ETFB: variants seen among roughly 807,000 people sequenced by gnomAD.
The protein encoded by ETFB is beta-ETF.
A neutral mutation model predicts 25.6 loss-of-function variants in ETFB; 20 were observed. The ratio of observed to expected loss-of-function variants is 0.78; its 90% CI spans 0.55 to 1.14. ETFB has a LOEUF of 1.14. Ranked by LOEUF, ETFB falls within the 50% of genes most tolerant of loss-of-function variation. ETFB has a pLI of 0.00. For missense variants in ETFB, 286 were observed against 342.6 expected (o/e 0.83, Z 1.30); for synonymous variants, 142 against 146.7 (o/e 0.97, Z 0.23).
At chr19:51,354,673 T>C in intron 1 of ETFB, 3 of 1,606,276 alleles carry the variant, frequency 1.9e-6, no homozygotes, top group East Asian at 2.2e-5. Flanking sequence ...AAATACATAA[T>C]ACACTGATAC....
chr19:51,345,237 T>G lies in ETFB; in HGVS notation c.742A>C (p.Lys248Gln). 6.2e-7 allele frequency: 1 copy of G among 1,614,218 alleles called. No homozygotes were observed. Among genetic ancestry groups the G allele is most frequent in the South Asian group, 1.1e-5 (1 of 91,086 alleles). The change falls in exon 6 of 6, where the codon AAG (lysine) becomes CAG (glutamine). Residue 248 changes from lysine (K) to glutamine (Q), a missense_variant. Physicochemically the swap from Lys to Gln is moderately conservative, Grantham distance 53. Transcript: ENST00000309244. ...CAAATCCGCCCAATCTCCTTCAGCT[T>G]GGCCACCAGGTCCTCAGTGGTCTCC... ...KVETTEDLVA[K>Q]LKEIGRI
At chr19:51,350,423 A>C in intron 3 of ETFB, 32 bp from the exon 4 acceptor site, 10 of 1,148,498 alleles carry the variant, frequency 8.7e-6, no homozygotes, top group Non-Finnish European at 1.3e-5. Context: ...ACTGTATGAC[A>C]ATCAGTGGAG....
At chr19:51,356,650 G>C (rs1568468971) in intron 1 of ETFB, 1 of 152,168 alleles carries the variant, frequency 6.6e-6, no homozygotes, top group East Asian at 1.9e-4. Flanking sequence ...GAGGCTTCCG[G>C]TGTAGACCAG....
At chr19:51,359,947 G>C (rs923815674) in intron 1 of ETFB, among the ~76,000 whole-genome samples, 2 of 152,066 alleles carry the variant, frequency 1.3e-5, no homozygotes, top group Non-Finnish European at 2.9e-5. Flanking sequence ...GAACCCAGGA[G>C]GGTCGAGGCT....
intron 4 of ETFB, chr19:51,347,536 T>C: frequency 1.0e-5 from 2 of 198,170 alleles, no homozygotes; most frequent in South Asian, 1.7e-4. Flanking sequence ...GCCCCTCCGC[T>C]GGGCAGACAA....
At chr19:51,354,656 T>G in intron 1 of ETFB, 1 of 1,612,298 alleles carries the variant, frequency 6.2e-7, no homozygotes, top group Non-Finnish European at 8.5e-7. Context: ...TATCTCCAAG[T>G]GTATATAAAT....
chr19:51,352,840 C>T (rs1157685446), intron 3 of ETFB, among the ~76,000 whole-genome samples: 1 of 152,090 alleles, frequency 6.6e-6, no homozygotes, highest in Non-Finnish European at 1.5e-5. Context: ...GTTGGCCACG[C>T]TAATCTCAAA....
At chr19:51,350,412 G>C (rs768338384) in intron 3 of ETFB, 21 bp from the exon 4 acceptor site, 6 of 1,245,774 alleles carry the variant, frequency 4.8e-6, no homozygotes, top group Non-Finnish European at 7.1e-6. Flanking sequence ...AGAGACAGAA[G>C]ACTGTATGAC....
At chr19:51,346,503 A>G (rs66782667) in intron 5 of ETFB, 21,073 of 221,198 alleles carry the variant, frequency 0.095, 1,171 homozygotes, top group Middle Eastern at 0.17. Flanking sequence ...AAGAGACCCC[A>G]TGCACCCTTC....
chr19:51,360,436 TA>T (rs1482026687), intron 1 of ETFB, among the ~76,000 whole-genome samples: 1 of 151,968 alleles, frequency 6.6e-6, no homozygotes, highest in Non-Finnish European at 1.5e-5. Flanking sequence ...AAAATTTTTT[TA>T]AAAGCAGCAC....
chr19:51,345,253 A>G lies in ETFB; in HGVS notation c.726T>C (p.Thr242=), dbSNP rs1475852693. 5 of 1,614,178 alleles carry G rather than the reference A, an allele frequency of 3.1e-6. No individual in the cohort carries two copies. The highest frequency in any genetic ancestry group is 1.7e-5 in the Admixed American group (1 of 60,020). Residue 242 remains threonine (T), a synonymous_variant, in exon 6 of 6, where the codon ACT becomes ACC. Transcript: ENST00000309244. The part of the protein sequence containing the change: ...QRTAGVKVET[T]EDLVAKLKEI... ...CCTTCAGCTTGGCCACCAGGTCCTCAGTGGTCTCCACCTTGACGCCGGCCG... is the reference window on the plus strand; with the variant it reads ...CCTTCAGCTTGGCCACCAGGTCCTCGGTGGTCTCCACCTTGACGCCGGCCG...
rs74176133 is a variant in ETFB, at chr19:51,353,833, C to T, written c.216+317G>A. Among the ~76,000 whole-genome samples the T allele has an allele frequency of 8.8e-3, 67 of 7,592 alleles. 1 individual carries two copies. Among genetic ancestry groups the T allele is most frequent in the Non-Finnish European group, 0.015 (36 of 2,414 alleles). The allele number at this position is 7,592 out of a possible 152,430, so 5.0% of individuals were successfully genotyped here. Reference sequence around the variant, plus strand: ...TTCCTCAGACCCAGGAGTCCAGGGCCCCATCCCCTCCTTCCTCAGACCCAG... The same window carrying T: ...TTCCTCAGACCCAGGAGTCCAGGGCTCCATCCCCTCCTTCCTCAGACCCAG... On this transcript the variant is annotated intron_variant, in intron 2 of 5. Transcript: ENST00000309244.
intron 4 of ETFB, among the ~76,000 whole-genome samples, chr19:51,349,175 T>C (rs756309215): frequency 1.3e-5 from 2 of 152,208 alleles, no homozygotes; most frequent in Non-Finnish European, 2.9e-5. Flanking sequence ...TGTTGTGACA[T>C]GTTTAAGGTA....
chr19:51,356,088 A>T (rs1416762219), intron 1 of ETFB: 1 of 152,000 alleles, frequency 6.6e-6, no homozygotes, highest in Non-Finnish European at 1.5e-5. Context: ...AACTTAAAGT[A>T]TAATAATAAA....
chr19:51,354,696 G>T (rs1233154755), intron 1 of ETFB: 17 of 1,597,860 alleles, frequency 1.1e-5, no homozygotes, highest in Non-Finnish European at 1.5e-5. Flanking sequence ...AAATACAAAT[G>T]AGGAGAAGAA....
intron 1 of ETFB, among the ~76,000 whole-genome samples, chr19:51,362,158 CACAT>C (rs796693382): frequency 9.3e-5 from 8 of 86,288 alleles, no homozygotes; most frequent in Non-Finnish European, 1.4e-4. Flanking sequence ...CAGCCGGACA[CACAT>C]ACACACACAC....
At chr19:51,349,022 A>C (rs1985866466) in intron 4 of ETFB, among the ~76,000 whole-genome samples, 1 of 152,226 alleles carries the variant, frequency 6.6e-6, no homozygotes. Flanking sequence ...ATTCAGTAGA[A>C]ACCATACTGC....
intron 4 of ETFB, 84 bp from the exon 5 acceptor site, chr19:51,347,142 C>A: frequency 7.4e-7 from 1 of 1,355,598 alleles, no homozygotes; most frequent in Non-Finnish European, 1.0e-6. Flanking sequence ...CTACTGAGTA[C>A]ACGCATGGAC....
intron 4 of ETFB, among the ~76,000 whole-genome samples, chr19:51,348,962 T>C (rs949992990): frequency 6.6e-6 from 1 of 152,194 alleles, no homozygotes; most frequent in Non-Finnish European, 1.5e-5. Context: ...TGACTTATGA[T>C]GGTTTGAATT....
Sources: allele counts gnomAD v4.1 joint callset (sites outside exome capture counted in the v4.1 genomes callset), GRCh38; gene constraint gnomAD v4.1.1; transcripts MANE v1.5; gene names NCBI Gene and HGNC (gene_info 2026-07-23, HGNC 2026-07-21).